Variants in MINAR1 observed in about 807,000 individuals in gnomAD.
MINAR1 encodes membrane integral NOTCH2 associated receptor 1.
In MINAR1, 40 loss-of-function variants were observed where a neutral mutation model predicts 65.1. The ratio of observed to expected loss-of-function variants is 0.61; its 90% CI spans 0.48 to 0.80. MINAR1 has a LOEUF of 0.80. Ranked by LOEUF, MINAR1 falls within the 30% of genes least tolerant of loss-of-function variation. MINAR1 has a pLI of 0.00. For synonymous variants in MINAR1, 482 were observed against 449.1 expected, an observed-to-expected ratio of 1.07 and a Z score of -0.93; for missense variants, 1,128 against 1,148.0, an observed-to-expected ratio of 0.98 and a Z score of 0.25.
At chr15:79,429,695 C>T (rs1476483219), upstream of MINAR1, among the ~76,000 whole-genome samples, 1 of 152,218 alleles carries the variant, frequency 6.6e-6, no homozygotes, top group Admixed American at 6.5e-5. Context: ...GCGTCATCCC[C>T]CAGCCCCTGC....
At position 79,457,656 on chromosome 15, in the gene MINAR1, C is replaced by T; in HGVS notation, c.1509C>T (p.Thr503=). The T allele has an allele frequency of 1.2e-6, 2 of 1,614,158 alleles. No homozygotes were observed. Among genetic ancestry groups the T allele is most frequent in the Middle Eastern group, 1.6e-4 (1 of 6,062 alleles). The change falls in exon 2 of 4, where the codon ACC becomes ACT. Residue 503 remains threonine, a synonymous_variant. Coordinates refer to ENST00000305428, the MANE Select transcript of MINAR1 (RefSeq NM_015206.3). ...SGQGKYSDRH[T]MKHSDDDSEI... is the part of the protein sequence containing the mutation. ...AGGGCAAGTACAGTGACAGGCACAC[C>T]ATGAAGCACTCAGACGATGACTCAG...
the MINAR1 span, chr15:79,420,302 A>G: frequency 6.6e-6 from 1 of 152,230 alleles, no homozygotes; most frequent in Non-Finnish European, 1.5e-5. Flanking sequence ...ATCATTAGGC[A>G]ATGTGGGTGT....
chr15:79,422,875 G>A, the MINAR1 span: 3 of 152,216 alleles, frequency 2.0e-5, no homozygotes, highest in African/African-American at 4.8e-5. Flanking sequence ...TCAGTTGGAG[G>A]AGAGTGTATA....
the MINAR1 span, chr15:79,417,261 T>C: frequency 3.3e-5 from 5 of 152,258 alleles, no homozygotes; most frequent in Admixed American, 6.5e-5. Context: ...ATACACAGTT[T>C]AGGAAGCTGT....
intron 1 of MINAR1, among the ~76,000 whole-genome samples, chr15:79,455,865 C>T (rs1895391651): frequency 6.6e-6 from 1 of 152,150 alleles, no homozygotes; most frequent in Non-Finnish European, 1.5e-5. Context: ...TTACAAGTGC[C>T]ATCATAGTGA....
chr15:79,462,088 A>G (rs114572298), intron 2 of MINAR1, among the ~76,000 whole-genome samples: 1,536 of 152,174 alleles, frequency 0.01, 23 homozygotes, highest in African/African-American at 0.035. Context: ...TCTCTGTTCC[A>G]TACACATGAC....
intron 1 of MINAR1, among the ~76,000 whole-genome samples, chr15:79,454,981 G>A (rs1895361949): frequency 6.6e-6 from 1 of 152,200 alleles, no homozygotes; most frequent in South Asian, 2.1e-4. Context: ...GTATTTGGAA[G>A]AAGTGTACAG....
intron 1 of MINAR1, among the ~76,000 whole-genome samples, chr15:79,441,633 T>C (rs1289689529): frequency 6.6e-6 from 1 of 152,164 alleles, no homozygotes; most frequent in Admixed American, 6.5e-5. Flanking sequence ...CAAGTTTTAT[T>C]GTTGATTACT....
intron 1 of MINAR1, among the ~76,000 whole-genome samples, chr15:79,436,790 C>G (rs895585640): frequency 4.6e-5 from 7 of 152,210 alleles, no homozygotes; most frequent in African/African-American, 1.7e-4. Context: ...GTTCCATGCC[C>G]TTAGCCAATG....
rs145296723 is a variant in MINAR1 at position 79,440,471 on chromosome 15, G to C, written c.-51+7931G>C. 3.5e-3 allele frequency among the ~76,000 whole-genome samples: 538 copies of C among 152,296 alleles called. 4 individuals carry two copies. Among genetic ancestry groups the C allele is most frequent in the African/African-American group, 0.012 (513 of 41,562 alleles). ...CCCTGGGGCAGGATGAGGACCAGTG[G>C]GTGCAATTGTGGAAGAGGCTGCCTT... On this transcript the variant is annotated intron_variant, in intron 1 of 3. Coordinates refer to ENST00000305428, the MANE Select transcript of MINAR1 (RefSeq NM_015206.3).
At chr15:79,442,652 G>C (rs1894904254) in intron 1 of MINAR1, among the ~76,000 whole-genome samples, 1 of 148,418 alleles carries the variant, frequency 6.7e-6, no homozygotes, top group Admixed American at 6.7e-5. Context: ...TCTGCCTGGT[G>C]AATTTTCTTT....
At chr15:79,464,902 C>T (rs1302361813) in intron 3 of MINAR1, among the ~76,000 whole-genome samples, 1 of 138,400 alleles carries the variant, frequency 7.2e-6, no homozygotes, top group Non-Finnish European at 1.6e-5. Context: ...CATGATTCTC[C>T]CTCCGGTGGA....
intron 2 of MINAR1, among the ~76,000 whole-genome samples, chr15:79,460,948 T>C (rs1196462364): frequency 1.3e-5 from 2 of 152,196 alleles, no homozygotes; most frequent in Non-Finnish European, 2.9e-5. Context: ...AACTTTTCTT[T>C]ATGTGAATCC....
chr15:79,422,210 TCA>T, the MINAR1 span: 12 of 152,304 alleles, frequency 7.9e-5, no homozygotes, highest in African/African-American at 2.6e-4. Context: ...TCTTATTTGT[TCA>T]CAGTCAGGAG....
the MINAR1 span, chr15:79,416,753 A>G: frequency 4.6e-5 from 7 of 152,224 alleles, no homozygotes; most frequent in African/African-American, 1.7e-4. Context: ...GCAGGCCGAG[A>G]TCATGGTGGC....
chr15:79,429,466 C>T (rs2141270412), upstream of MINAR1, among the ~76,000 whole-genome samples: 1 of 152,340 alleles, frequency 6.6e-6, no homozygotes, highest in South Asian at 2.1e-4. Context: ...GGTTTTCACA[C>T]CATTGCCAAT....
intron 1 of MINAR1, among the ~76,000 whole-genome samples, chr15:79,455,488 C>T (rs1389433579): frequency 1.3e-5 from 2 of 152,176 alleles, no homozygotes; most frequent in Non-Finnish European, 2.9e-5. Context: ...TAACCACCAC[C>T]ACAACCAGGA....
intron 3 of MINAR1, among the ~76,000 whole-genome samples, chr15:79,465,681 C>CA (rs979767109): frequency 1.2e-4 from 19 of 152,072 alleles, no homozygotes; most frequent in Admixed American, 2.6e-4. Context: ...GCTTCTGGGC[C>CA]AGCCCTAGGA....
chr15:79,468,164 T>TAACA lies in MINAR1; in HGVS notation c.2554-22_2554-19dup, dbSNP rs746635291. The stretch of plus-strand genomic sequence containing the variant: ...TGATTTCAAGTATTCACTGTATTTC[T>TAACA]AACATCTTCTCTTCGCTTTTAGACG... On this transcript the variant is annotated intron_variant, in intron 3 of 3. Transcript: ENST00000305428. 4.4e-6 allele frequency: 7 copies of TAACA among 1,597,712 alleles called. No homozygotes were observed. In the African/African-American group the frequency reaches 6.7e-5, roughly 15 times the overall value.
Sources: gnomAD v4.1 joint callset for allele counts (sites outside exome capture counted in the v4.1 genomes callset) on GRCh38, gnomAD v4.1.1 for gene constraint, MANE v1.5 for transcripts, NCBI Gene and HGNC (gene_info 2026-07-23, HGNC 2026-07-21) for gene names.